Variants in HHLA2 observed in about 807,000 individuals in gnomAD.
HHLA2 encodes HHLA2 member of B7 family.
In HHLA2, 48 loss-of-function variants were observed where a neutral mutation model predicts 45.9. The ratio of observed to expected loss-of-function variants is 1.05; its 90% CI spans 0.83 to 1.33. The LOEUF is 1.33. Among genes scored for constraint, HHLA2 ranks in the 40% most tolerant of loss-of-function variants. The pLI is 0.00. For missense variants in HHLA2, 462 were observed against 494.3 expected, an observed-to-expected ratio of 0.93 and a Z score of 0.62; for synonymous variants, 161 against 173.9, an observed-to-expected ratio of 0.93 and a Z score of 0.59.
intron 3 of HHLA2, among the ~76,000 whole-genome samples, chr3:108,345,223 G>T (rs1226130274): frequency 2.6e-5 from 4 of 152,244 alleles, no homozygotes; most frequent in Non-Finnish European, 2.9e-5. Flanking sequence ...TGGGCTACAG[G>T]ATGTTTCTTG....
At chr3:108,356,119 T>G (rs1349064412) in intron 6 of HHLA2, among the ~76,000 whole-genome samples, 2 of 136,738 alleles carry the variant, frequency 1.5e-5, no homozygotes, top group African/African-American at 5.5e-5. Context: ...AACCTCCACC[T>G]CCCAGTTTCA....
intron 1 of HHLA2, among the ~76,000 whole-genome samples, chr3:108,304,011 AT>A (rs377565383): frequency 6.6e-5 from 10 of 152,298 alleles, no homozygotes; most frequent in African/African-American, 2.2e-4. Context: ...CCTACTGAAT[AT>A]CACATTCCAA....
At chr3:108,365,001 G>T (rs7634216) in intron 8 of HHLA2, among the ~76,000 whole-genome samples, 40,568 of 152,040 alleles carry the variant, frequency 0.27, 5,543 homozygotes, top group African/African-American at 0.29. Flanking sequence ...TTTAGTTTAA[G>T]TAGATCCCAT....
At chr3:108,328,979 G>A (rs912961104) in intron 3 of HHLA2, among the ~76,000 whole-genome samples, 5 of 152,164 alleles carry the variant, frequency 3.3e-5, no homozygotes, top group Middle Eastern at 3.2e-3. Context: ...GGATTCATGC[G>A]TGGGATTTGT....
chr3:108,320,758 C>T (rs2081185727), intron 2 of HHLA2, among the ~76,000 whole-genome samples: 1 of 152,030 alleles, frequency 6.6e-6, no homozygotes, highest in Admixed American at 6.6e-5. Flanking sequence ...TCTTCTGCAT[C>T]CTGGGACTTT....
chr3:108,324,136 AG>A (rs1432858428), intron 2 of HHLA2, among the ~76,000 whole-genome samples: 1 of 152,204 alleles, frequency 6.6e-6, no homozygotes, highest in Admixed American at 6.5e-5. Context: ...TGTAATTCAA[AG>A]GTTATTTTCA....
At chr3:108,341,879 CT>C in intron 3 of HHLA2, among the ~76,000 whole-genome samples, 1 of 152,304 alleles carries the variant, frequency 6.6e-6, no homozygotes, top group South Asian at 2.1e-4. Context: ...CTTAATCCCC[CT>C]ACTTGTTTCC....
intron 8 of HHLA2, among the ~76,000 whole-genome samples, chr3:108,364,124 C>T (rs115356261): frequency 0.026 from 3,926 of 152,100 alleles, 156 homozygotes; most frequent in African/African-American, 0.088. Context: ...GGTATTTGAC[C>T]TGATGCCCTC....
At chr3:108,302,554 A>G (rs1560178421) in intron 1 of HHLA2, 3 of 152,284 alleles carry the variant, frequency 2.0e-5, no homozygotes, top group East Asian at 3.9e-4. Context: ...TCCCTAATTC[A>G]AGTTGGGAAC....
chr3:108,337,519 A>G (rs531873044), intron 3 of HHLA2, among the ~76,000 whole-genome samples: 2 of 152,248 alleles, frequency 1.3e-5, no homozygotes, highest in East Asian at 3.9e-4. Context: ...ATGTGTTTGT[A>G]CCGTCAAAGT....
At chr3:108,366,714 C>T (rs570017380) in intron 8 of HHLA2, among the ~76,000 whole-genome samples, 11 of 150,826 alleles carry the variant, frequency 7.3e-5, no homozygotes, top group South Asian at 4.2e-4. Context: ...GGAGGGTGTC[C>T]GGGAATTTAT....
At chr3:108,323,129 G>T (rs1207674808) in intron 2 of HHLA2, among the ~76,000 whole-genome samples, 1 of 136,556 alleles carries the variant, frequency 7.3e-6, no homozygotes, top group Non-Finnish European at 1.6e-5. Context: ...CCTTCCCATA[G>T]TGGGGGGGTC....
chr3:108,327,422 C>A (rs906482179), intron 2 of HHLA2, among the ~76,000 whole-genome samples: 1 of 152,122 alleles, frequency 6.6e-6, no homozygotes, highest in Non-Finnish European at 1.5e-5. Flanking sequence ...ATTCTCCTTT[C>A]TTTTTCCTAG....
intron 3 of HHLA2, among the ~76,000 whole-genome samples, chr3:108,345,937 G>A (rs1222684753): frequency 6.6e-6 from 1 of 152,128 alleles, no homozygotes; most frequent in East Asian, 1.9e-4. Flanking sequence ...AGCTGCTGTG[G>A]TTCTGTGGAG....
intron 1 of HHLA2, among the ~76,000 whole-genome samples, chr3:108,305,264 C>T (rs574437783): frequency 5.3e-5 from 8 of 152,238 alleles, no homozygotes; most frequent in South Asian, 4.1e-4. Context: ...AGAAGGAAAG[C>T]GGAAGCAAGG....
chr3:108,362,710 C>G (rs1299090078), intron 8 of HHLA2, among the ~76,000 whole-genome samples: 1 of 152,060 alleles, frequency 6.6e-6, no homozygotes, highest in Middle Eastern at 3.2e-3. Flanking sequence ...ACTGCTATTG[C>G]CTTTAGGTTT....
intron 3 of HHLA2, among the ~76,000 whole-genome samples, chr3:108,345,775 T>C (rs773422648): frequency 6.6e-6 from 1 of 152,208 alleles, no homozygotes; most frequent in Non-Finnish European, 1.5e-5. Context: ...CAGTAAGGCA[T>C]GGCATTTGGC....
chr3:108,353,470 A>G (rs374382407), exon 5 of HHLA2: 2 of 1,599,742 alleles, frequency 1.3e-6, no homozygotes, highest in African/African-American at 2.7e-5. Context: ...CTATGAATGA[A>G]CAAATCGTCA....
rs374648556 is a variant in HHLA2 at position 108,326,072 on chromosome 3, A to T, written c.-104-2198A>T. On this transcript the variant is annotated intron_variant, in intron 2 of 10. Transcript: ENST00000619531. ...GATTTCAGTCACTTTAATTTTCCAT[A>T]CTGTTCAAAATTATTTCTTAGGTGA... 19 of 281,260 alleles carry T rather than the reference A, an allele frequency of 6.8e-5. No homozygotes were observed. In the East Asian group the frequency reaches 1.4e-3, roughly 20 times the overall value. The allele number at this position is 281,260 out of a possible 1,614,324, so 17.4% of individuals were successfully genotyped here.
Sources: allele counts gnomAD v4.1 joint callset (sites outside exome capture counted in the v4.1 genomes callset), GRCh38; gene constraint gnomAD v4.1.1; transcripts MANE v1.5; gene names NCBI Gene and HGNC (gene_info 2026-07-23, HGNC 2026-07-21).